ADCY10: variants seen among roughly 807,000 people sequenced by gnomAD.
ADCY10 encodes adenylate cyclase type 10.
Under a neutral mutation model 183.3 loss-of-function variants are expected in ADCY10, and 156 were observed. The ratio of observed to expected loss-of-function variants is 0.85; its 90% CI spans 0.75 to 0.97. ADCY10 has a LOEUF of 0.97. ADCY10 is among the 50% of genes least tolerant of loss of function. The pLI is 0.00. For synonymous variants in ADCY10, 645 were observed against 670.0 expected (o/e 0.96, Z 0.58); for missense variants, 1,745 against 1,934.3 (o/e 0.90, Z 1.84).
chr1:167,890,805 G>A (rs539472108), intron 8 of ADCY10, among the ~76,000 whole-genome samples: 1 of 152,030 alleles, frequency 6.6e-6, no homozygotes, highest in Non-Finnish European at 1.5e-5. Context: ...CCTACTCTAC[G>A]TTCAAACAAA....
At chr1:167,810,967 T>G in intron 31 of ADCY10, 54 bp from the exon 32 acceptor site, 3 of 1,515,256 alleles carry the variant, frequency 2.0e-6, no homozygotes, top group South Asian at 1.1e-5. Context: ...GGTCCTTGAC[T>G]GTAAGTTATT....
rs1669732250 is a variant in ADCY10 at position 167,905,211 on chromosome 1, T to C, written c.-58-13A>G. The C allele has an allele frequency of 1.3e-6, 2 of 1,536,642 alleles. No individual in the cohort carries two copies. Among genetic ancestry groups the C allele is most frequent in the Non-Finnish European group, 1.8e-6 (2 of 1,110,526 alleles). On this transcript the variant is annotated splice_polypyrimidine_tract_variant and intron_variant, in intron 1 of 32. Transcript: ENST00000367851. ...CCAAATAGGTCTTCTAAAAAGAAAATTGAAATAGAGGAAATCTGATATATT... is the reference window on the plus strand; with the variant it reads ...CCAAATAGGTCTTCTAAAAAGAAAACTGAAATAGAGGAAATCTGATATATT...
In ADCY10 at chr1:167,836,312, G is replaced by A. The variant is rs920129796; in HGVS notation, c.3306C>T (p.Tyr1102=). 1 of 1,603,004 alleles carries A rather than the reference G, an allele frequency of 6.2e-7. No individual in the cohort carries two copies. Among genetic ancestry groups the A allele is most frequent in the South Asian group, 1.1e-5 (1 of 90,840 alleles). The part of the protein sequence containing the change: ...ASAYLIFCDN[Y]MAYMYLNEGQ... ...GGTCTGGGTAGAAACAGCTTACCAT[G>A]TAGTTATCACAAAAGATGAGATAAG... Residue 1102 remains tyrosine, a synonymous_variant, in exon 23 of 33, where the codon TAC becomes TAT. Transcript: ENST00000367851.
At chr1:167,832,926 T>C (rs2101901441) in intron 25 of ADCY10, 61 bp downstream of exon 25, 3 of 1,565,362 alleles carry the variant, frequency 1.9e-6, no homozygotes, top group Non-Finnish European at 2.6e-6. Flanking sequence ...ACTTGGATTA[T>C]GTGTAGGCCT....
chr1:167,903,841 A>G lies in ADCY10; in HGVS notation c.253+46T>C, dbSNP rs1162598812. Reference sequence around the variant, plus strand: ...TATAATTGACAACTACGGAAAAAACAATGAATTGAAATATTCTCAAGCCAG... The same window carrying G: ...TATAATTGACAACTACGGAAAAAACGATGAATTGAAATATTCTCAAGCCAG... On this transcript the variant is annotated intron_variant, in intron 3 of 32. Transcript: ENST00000367851. 3 of 1,392,806 alleles carry G rather than the reference A, an allele frequency of 2.2e-6. No individual in the cohort carries two copies. In the Admixed American group the frequency reaches 5.0e-5, roughly 23 times the overall value. 86.3% of individuals were successfully genotyped at this position (1,392,806 alleles called of 1,614,324 possible). A position where few individuals can be genotyped will look rare whatever the true frequency, so the allele number is the denominator to read the frequency against.
intron 5 of ADCY10, among the ~76,000 whole-genome samples, chr1:167,900,545 T>G (rs919333842): frequency 3.3e-5 from 5 of 152,176 alleles, no homozygotes; most frequent in African/African-American, 1.2e-4. Context: ...TGGGCTTTTT[T>G]TTTTGAGATG....
rs1270827802 is a variant in ADCY10 at position 167,898,595 on chromosome 1, T to A, written c.642+828A>T. ...GCCTGGTCAACAGAGCGAGACTCCG[T>A]TTTTTTTTTTTTAAAAAAAGAATGA... On this transcript the variant is annotated intron_variant, in intron 6 of 32. Transcript: ENST00000367851. Among the ~76,000 whole-genome samples the A allele has an allele frequency of 6.1e-3, 3 of 494 alleles. No individual in the cohort carries two copies. The Admixed American group carries it at 0.19, about 31-fold the overall frequency. 0.3% of individuals were successfully genotyped at this position (494 alleles called of 152,430 possible). A position where few individuals can be genotyped will look rare whatever the true frequency, so the allele number is the denominator to read the frequency against.
At chr1:167,899,170 G>T (rs1299021733) in intron 6 of ADCY10, among the ~76,000 whole-genome samples, 1 of 152,114 alleles carries the variant, frequency 6.6e-6, no homozygotes, top group Non-Finnish European at 1.5e-5. Flanking sequence ...CCCTCAAAAG[G>T]CCTCAATCCC....
chr1:167,853,102 T>C (rs751002624), intron 18 of ADCY10, among the ~76,000 whole-genome samples: 2 of 152,218 alleles, frequency 1.3e-5, no homozygotes, highest in Non-Finnish European at 2.9e-5. Context: ...ATTCACCTCA[T>C]CATGACACTG....
intron 9 of ADCY10, among the ~76,000 whole-genome samples, chr1:167,883,193 G>A (rs562646633): frequency 4.5e-4 from 68 of 152,242 alleles, no homozygotes; most frequent in African/African-American, 1.6e-3. Context: ...ACGTGCCACC[G>A]CACCCAGCTA....
At position 167,846,023 on chromosome 1, in the gene ADCY10, T is replaced by C. The variant is rs1558179196; in HGVS notation, c.2678A>G (p.His893Arg). 3.1e-6 allele frequency: 5 copies of C among 1,614,102 alleles called. No homozygotes were observed. The highest frequency in any genetic ancestry group is 3.4e-6 in the Non-Finnish European group (4 of 1,180,042). Residue 893 changes from histidine (H) to arginine (R), a missense_variant, in exon 20 of 33, where the codon CAC becomes CGC. His to Arg is a conservative substitution (Grantham distance 29). Transcript: ENST00000367851. ...LKQNDPSFEV[H>R]YRSLSLKPSE... The stretch of plus-strand genomic sequence containing the variant: ...GGGCTTCAGAGACAAGGAACGATAG[T>C]GCACCTCAAATGAGGGATCATTCTG...
chr1:167,846,401 A>G, intron 19 of ADCY10, 138 bp from the exon 20 acceptor site: 1 of 1,090,784 alleles, frequency 9.2e-7, no homozygotes, highest in South Asian at 1.3e-5. Flanking sequence ...AAGTCAAAAG[A>G]AGTATTTGTT....
intron 26 of ADCY10, among the ~76,000 whole-genome samples, chr1:167,826,320 C>T (rs1317121782): frequency 2.0e-5 from 3 of 152,214 alleles, no homozygotes; most frequent in Non-Finnish European, 4.4e-5. Flanking sequence ...GGTCCAACTG[C>T]TTCACTTTAC....
At chr1:167,838,963 G>A (rs1664427347) in intron 21 of ADCY10, among the ~76,000 whole-genome samples, 1 of 152,146 alleles carries the variant, frequency 6.6e-6, no homozygotes, top group Non-Finnish European at 1.5e-5. Context: ...CAGTCCATCA[G>A]AAAGTCCCGT....
chr1:167,903,394 T>C (rs1479693271), intron 3 of ADCY10, among the ~76,000 whole-genome samples: 4 of 152,012 alleles, frequency 2.6e-5, no homozygotes, highest in African/African-American at 9.7e-5. Context: ...TGAGACCCCA[T>C]CTCTACTAAA....
At chr1:167,906,295 TAAAAGG>T (rs1036580530) in intron 1 of ADCY10, among the ~76,000 whole-genome samples, 3 of 151,800 alleles carry the variant, frequency 2.0e-5, no homozygotes, top group African/African-American at 7.2e-5. Context: ...GGATAACCTT[TAAAAGG>T]AAAAGTCCTG....
intron 16 of ADCY10, 144 bp downstream of exon 16, chr1:167,859,660 TGGA>T: frequency 1.3e-6 from 1 of 751,364 alleles, no homozygotes; most frequent in Non-Finnish European, 2.4e-6. Context: ...TTTGGAAGGA[TGGA>T]GGAGAATGAA....
intron 29 of ADCY10, 26 bp downstream of exon 29, chr1:167,822,982 C>T (rs1663009212): frequency 6.2e-7 from 1 of 1,605,798 alleles, no homozygotes; most frequent in Non-Finnish European, 8.5e-7. Flanking sequence ...CCCCCAAGTT[C>T]TTTTACATCC....
chr1:167,868,099 A>G (rs1183360622), intron 14 of ADCY10, among the ~76,000 whole-genome samples: 1 of 152,200 alleles, frequency 6.6e-6, no homozygotes, highest in Non-Finnish European at 1.5e-5. Flanking sequence ...TCTCTCCGGA[A>G]CCAGTATTTC....
Sources: allele counts gnomAD v4.1 joint callset (sites outside exome capture counted in the v4.1 genomes callset), GRCh38; gene constraint gnomAD v4.1.1; transcripts MANE v1.5; gene names NCBI Gene and HGNC (gene_info 2026-07-23, HGNC 2026-07-21).